The following LHFPL5 variants were observed in gnomAD, a reference collection of about 807,000 sequenced individuals.
LHFPL5 encodes LHFPL tetraspan subfamily member 5.
Under a neutral mutation model 18.7 loss-of-function variants are expected in LHFPL5, and 12 were observed. That is an observed-to-expected ratio of 0.64 (90% CI 0.41 to 1.04). LHFPL5 has a LOEUF of 1.04. Among genes scored for constraint, LHFPL5 ranks in the 50% least tolerant of loss-of-function variants. The probability of loss-of-function intolerance (pLI) is 0.00; values close to 1 mark genes in which losing one functional copy is unlikely to be tolerated. For missense variants in LHFPL5, 259 were observed against 292.1 expected, an observed-to-expected ratio of 0.89 and a Z score of 0.83; for synonymous variants, 111 against 120.2, an observed-to-expected ratio of 0.92 and a Z score of 0.50.
chr6:35,811,729 C>A (rs1344301159), intron 1 of LHFPL5, among the ~76,000 whole-genome samples: 4 of 152,186 alleles, frequency 2.6e-5, no homozygotes, highest in African/African-American at 9.7e-5. Flanking sequence ...AGCCAGGGGC[C>A]CTGCCAGGCA....
chr6:35,818,875 G>A (rs1195587794), intron 2 of LHFPL5, among the ~76,000 whole-genome samples: 4 of 150,080 alleles, frequency 2.7e-5, no homozygotes, highest in Admixed American at 6.7e-5. Context: ...GTCATCACCC[G>A]GGCTGGAGTG....
chr6:35,809,214 C>G (rs1768624881), intron 1 of LHFPL5, among the ~76,000 whole-genome samples: 2 of 152,196 alleles, frequency 1.3e-5, no homozygotes, highest in Non-Finnish European at 2.9e-5. Context: ...CTTGTCTTCT[C>G]TGAGTCTTGG....
intron 2 of LHFPL5, among the ~76,000 whole-genome samples, chr6:35,819,133 A>G (rs1768820656): frequency 1.3e-5 from 2 of 152,072 alleles, no homozygotes; most frequent in African/African-American, 4.8e-5. Flanking sequence ...GCATCGGGCC[A>G]TATTCATTTT....
rs181922784 is a variant in LHFPL5, at chr6:35,823,134, G to C, written c.*169G>C. 2.8e-3 allele frequency: 429 copies of C among 152,202 alleles called. 1 individual carries two copies. Among genetic ancestry groups the C allele is most frequent in the African/African-American group, 9.8e-3 (406 of 41,536 alleles). 9.4% of individuals were successfully genotyped at this position (152,202 alleles called of 1,614,324 possible). A position where few individuals can be genotyped will look rare whatever the true frequency, so the allele number is the denominator to read the frequency against. On this transcript the variant is annotated 3_prime_UTR_variant, in exon 4 of 4. Transcript: ENST00000360215. ...AAAACTGGACAGTCTCCTGAGACAA[G>C]ACCTCCTACTGTACTCTTTCTGGGG...
At chr6:35,821,079 A>G (rs1352569273) in intron 3 of LHFPL5, among the ~76,000 whole-genome samples, 1 of 152,122 alleles carries the variant, frequency 6.6e-6, no homozygotes, top group Non-Finnish European at 1.5e-5. Flanking sequence ...TGAGGCAGGC[A>G]GATCACCTGA....
chr6:35,816,810 T>TA (rs752528571), intron 2 of LHFPL5, among the ~76,000 whole-genome samples: 4,006 of 83,056 alleles, frequency 0.048, 194 homozygotes, highest in African/African-American at 0.15. Flanking sequence ...AGACTCCATC[T>TA]AAAAAAAAAA....
At chr6:35,807,008 TG>T (rs1325035477) in intron 1 of LHFPL5, among the ~76,000 whole-genome samples, 1 of 152,106 alleles carries the variant, frequency 6.6e-6, no homozygotes, top group African/African-American at 2.4e-5. Context: ...TTGTATTTTT[TG>T]TAGAGACGGG....
At position 35,814,687 on chromosome 6, in the gene LHFPL5, G is replaced by T; in HGVS notation, c.554G>T (p.Ser185Ile). 6.2e-7 allele frequency: 1 copy of T among 1,614,196 alleles called. No homozygotes were observed. Among genetic ancestry groups the T allele is most frequent in the Non-Finnish European group, 8.5e-7 (1 of 1,180,028 alleles). Reference sequence around the variant, plus strand: ...TGGGCCTTCATGCTGGCCATCCTCAGCATTGGCGACGCCCTCATCCTCTCC... The same window carrying T: ...TGGGCCTTCATGCTGGCCATCCTCATCATTGGCGACGCCCTCATCCTCTCC... ...IRWAFMLAIL[S>I]IGDALILSFL... The change falls in exon 2 of 4, where the codon AGC becomes ATC. Residue 185 changes from serine (S) to isoleucine (I), a missense_variant. Coordinates refer to ENST00000360215, the MANE Select transcript of LHFPL5 (RefSeq NM_182548.4). The surrounding 1 kb of genome is among the most constrained non-coding windows in gnomAD (Gnocchi z 4.2).
chr6:35,818,774 A>G (rs1164676197), intron 2 of LHFPL5, among the ~76,000 whole-genome samples: 1 of 144,796 alleles, frequency 6.9e-6, no homozygotes, highest in Non-Finnish European at 1.5e-5. Flanking sequence ...TTTTTTTTTG[A>G]TGCCACAGTA....
rs575581018 is a variant in LHFPL5 at position 35,817,193 on chromosome 6, C to T, written c.650-2244C>T. The stretch of plus-strand genomic sequence containing the variant: ...AAAATTAGCTGGGTGTGGTGGTGGG[C>T]ACCTGTAGTTCCAGCTACTCAGGAG... On this transcript the variant is annotated intron_variant, in intron 2 of 3. Transcript: ENST00000360215. Among the ~76,000 whole-genome samples the T allele has an allele frequency of 1.5e-3, 224 of 152,096 alleles. 3 individuals are homozygous for T. The highest frequency in any genetic ancestry group is 5.0e-3 in the African/African-American group (208 of 41,500).
chr6:35,819,031 C>T (rs1768819474), intron 2 of LHFPL5, among the ~76,000 whole-genome samples: 2 of 152,088 alleles, frequency 1.3e-5, no homozygotes, highest in Admixed American at 1.3e-4. Context: ...CAGGGTTTCA[C>T]CTTGTTGGCC....
chr6:35,815,391 G>T (rs1214432702), intron 2 of LHFPL5, among the ~76,000 whole-genome samples: 1 of 152,112 alleles, frequency 6.6e-6, no homozygotes, highest in African/African-American at 2.4e-5. Context: ...CTCCCTGATT[G>T]CTTCCCATTA....
rs760548807 is a variant in LHFPL5 at position 35,805,652 on chromosome 6, A to G, written c.-19A>G. ...CTTGCAGCCCACGGGACCCCAGCCC[A>G]GGGCCTGCTGCCCTCACCATGGTGA... On this transcript the variant is annotated 5_prime_UTR_variant, in exon 1 of 4. Coordinates refer to ENST00000360215, the MANE Select transcript of LHFPL5 (RefSeq NM_182548.4). The surrounding 1 kb of genome is among the most constrained non-coding windows in gnomAD (Gnocchi z 4.3). The G allele has an allele frequency of 3.1e-6, 5 of 1,613,908 alleles. No individual in the cohort carries two copies. The South Asian group carries it at 4.4e-5, about 14-fold the overall frequency.
intron 1 of LHFPL5, among the ~76,000 whole-genome samples, chr6:35,807,786 G>T (rs770722285): frequency 6.6e-6 from 1 of 152,120 alleles, no homozygotes; most frequent in Non-Finnish European, 1.5e-5. Flanking sequence ...AGAATTAAGC[G>T]GGCAACTGAG....
chr6:35,812,575 A>T (rs1207190390), intron 1 of LHFPL5, among the ~76,000 whole-genome samples: 2 of 152,250 alleles, frequency 1.3e-5, no homozygotes, highest in Admixed American at 6.5e-5. Context: ...GTAAATAATA[A>T]GTCAAGTAAG....
At chr6:35,816,772 A>G (rs964235818) in intron 2 of LHFPL5, among the ~76,000 whole-genome samples, 6 of 148,326 alleles carry the variant, frequency 4.0e-5, no homozygotes, top group African/African-American at 1.5e-4. Context: ...AGATTGTACC[A>G]CTGCACTCCA....
At chr6:35,813,746 T>C (rs535362605) in intron 1 of LHFPL5, among the ~76,000 whole-genome samples, 1 of 151,422 alleles carries the variant, frequency 6.6e-6, no homozygotes, top group Non-Finnish European at 1.5e-5. Flanking sequence ...AAAAACAAAA[T>C]ATACTGATAA....
In LHFPL5 at chr6:35,815,626, A is replaced by C. The variant is rs960194106; in HGVS notation, c.649+844A>C. On this transcript the variant is annotated intron_variant, in intron 2 of 3. Transcript: ENST00000360215. ...GTCTCTTTTCCCCATAGCTGTCTTC[A>C]CATTAGCCCTTGGATTAGAAGCAGC... Among the ~76,000 whole-genome samples, 10 of 152,142 alleles carry C rather than the reference A, an allele frequency of 6.6e-5. No homozygotes were observed. The South Asian group carries it at 1.9e-3, about 28-fold the overall frequency.
chr6:35,806,681 T>C (rs1768574151), intron 1 of LHFPL5, among the ~76,000 whole-genome samples: 1 of 152,212 alleles, frequency 6.6e-6, no homozygotes, highest in Non-Finnish European at 1.5e-5. Flanking sequence ...ACCTTGCCTA[T>C]AGAAACTTTC....
Sources: allele counts gnomAD v4.1 joint callset (sites outside exome capture counted in the v4.1 genomes callset), GRCh38; gene constraint gnomAD v4.1.1; non-coding constraint Gnocchi (gnomAD v3.1); transcripts MANE v1.5; gene names NCBI Gene and HGNC (gene_info 2026-07-23, HGNC 2026-07-21).